Variants in FMN1 observed in about 807,000 individuals in gnomAD.
FMN1 encodes the protein formin-1.
Under a neutral mutation model 132.4 loss-of-function variants are expected in FMN1, and 110 were observed. That is an observed-to-expected ratio of 0.83 (90% CI 0.71 to 0.97). The LOEUF (loss-of-function observed/expected upper bound fraction) is 0.97, where lower values mean the gene tolerates loss of function less well. FMN1 is among the 50% of genes least tolerant of loss of function. FMN1 has a pLI of 0.00. For missense variants in FMN1, 1,792 were observed against 1,705.3 expected (o/e 1.05, Z -0.90); for synonymous variants, 722 against 651.7 (o/e 1.11, Z -1.64).
intron 10 of FMN1, among the ~76,000 whole-genome samples, chr15:32,922,810 C>T (rs114511964): frequency 4.7e-4 from 72 of 152,288 alleles, no homozygotes; most frequent in African/African-American, 1.3e-3. Flanking sequence ...CCAAGAATCA[C>T]GTACTGTATT....
chr15:33,004,939 CA>C (rs546978261), intron 7 of FMN1, among the ~76,000 whole-genome samples: 1 of 151,778 alleles, frequency 6.6e-6, no homozygotes, highest in African/African-American at 2.4e-5. Context: ...ATCGCAAGGA[CA>C]AAAAAACCAA....
chr15:33,121,915 T>C (rs1962595845), intron 4 of FMN1, among the ~76,000 whole-genome samples: 1 of 152,168 alleles, frequency 6.6e-6, no homozygotes, highest in African/African-American at 2.4e-5. Context: ...ATAAGAAAAA[T>C]CTAGAACTTA....
At chr15:33,178,259 A>C (rs1229190367) in intron 3 of FMN1, among the ~76,000 whole-genome samples, 1 of 152,206 alleles carries the variant, frequency 6.6e-6, no homozygotes, top group Non-Finnish European at 1.5e-5. Context: ...TCACTCCAGC[A>C]CTTCCAAGGT....
In FMN1 at chr15:32,969,341, A is replaced by C. The variant is rs1454825349; in HGVS notation, c.2360T>G (p.Val787Gly). 6.2e-7 allele frequency: 1 copy of C among 1,613,970 alleles called. No homozygotes were observed. The highest frequency in any genetic ancestry group is 1.7e-5 in the Admixed American group (1 of 60,030). ...GCAGTCATCATCGGTGGAAATGCAC[A>C]CATCTTTCCTCTCTTCACAACCCCC... ...WRGGCEERKDVCISTDDDCPP... is the reference protein window; with the variant it reads ...WRGGCEERKDGCISTDDDCPP... The change falls in exon 8 of 21, where the codon GTG (valine) becomes GGG (glycine). Residue 787 changes from valine (V) to glycine (G), a missense_variant. Val to Gly is a moderately radical substitution (Grantham distance 109). This residue lies in a region of FMN1 where 1,150 missense variants were observed against 1,043.1 expected (regional missense o/e 1.10). Transcript: ENST00000616417.
chr15:33,005,531 GAT>G (rs573307382), intron 7 of FMN1, among the ~76,000 whole-genome samples: 37 of 152,104 alleles, frequency 2.4e-4, no homozygotes, highest in Admixed American at 5.9e-4. Flanking sequence ...CTTAGTTTGA[GAT>G]ATATAAGATC....
At chr15:32,865,063 G>A (rs1397104223) in intron 16 of FMN1, among the ~76,000 whole-genome samples, 2 of 152,158 alleles carry the variant, frequency 1.3e-5, no homozygotes, top group African/African-American at 4.8e-5. Context: ...CAAATCTATA[G>A]AGACAAAGCG....
intron 4 of FMN1, among the ~76,000 whole-genome samples, chr15:33,131,936 G>A (rs1468223788): frequency 6.6e-6 from 1 of 152,124 alleles, no homozygotes; most frequent in African/African-American, 2.4e-5. Flanking sequence ...TTCCACACCT[G>A]CTTTGACCCT....
intron 17 of FMN1, among the ~76,000 whole-genome samples, chr15:32,854,529 A>G (rs1053019349): frequency 6.6e-6 from 1 of 152,206 alleles, no homozygotes. Flanking sequence ...TGTCTTAAGC[A>G]TGATTTGATG....
At chr15:33,069,133 T>A (rs2037884117) in intron 5 of FMN1, among the ~76,000 whole-genome samples, 1 of 152,174 alleles carries the variant, frequency 6.6e-6, no homozygotes, top group Non-Finnish European at 1.5e-5. Context: ...ACAGACCCAA[T>A]TTGCCTCAAC....
intron 10 of FMN1, among the ~76,000 whole-genome samples, chr15:32,924,282 A>C (rs941996825): frequency 5.9e-5 from 9 of 152,356 alleles, no homozygotes; most frequent in Non-Finnish European, 1.3e-4. Flanking sequence ...TAATGAGCTT[A>C]AATACGATAC....
intron 4 of FMN1, among the ~76,000 whole-genome samples, chr15:33,110,776 T>C (rs536544752): frequency 6.6e-6 from 1 of 150,526 alleles, no homozygotes; most frequent in Non-Finnish European, 1.5e-5. Flanking sequence ...GCTATTCCTT[T>C]AGCCATTTTC....
At chr15:33,134,586 G>A (rs896690650) in intron 4 of FMN1, among the ~76,000 whole-genome samples, 5 of 152,354 alleles carry the variant, frequency 3.3e-5, no homozygotes, top group East Asian at 1.9e-4. Context: ...CACAACCAAC[G>A]TTTGGGCTGT....
In FMN1 at chr15:32,969,088, A is replaced by G. The variant is rs1240304447; in HGVS notation, c.2613T>C (p.Pro871=). The G allele has an allele frequency of 6.2e-7, 1 of 1,605,430 alleles. No individual in the cohort carries two copies. Among genetic ancestry groups the G allele is most frequent in the Non-Finnish European group, 8.5e-7 (1 of 1,174,712 alleles). ...ASNQQKALPP[P]PASIPPPPPL... Reference sequence around the variant, plus strand: ...GCGGAGGGGGAGGGATGGATGCGGGAGGCGGAGGCAATGCCTTCTGCTGAT... The same window carrying G: ...GCGGAGGGGGAGGGATGGATGCGGGGGGCGGAGGCAATGCCTTCTGCTGAT... The change falls in exon 8 of 21, where the codon CCT becomes CCC. Residue 871 remains proline, a synonymous_variant. Transcript: ENST00000616417.
chr15:32,858,069 T>C (rs1376887666), intron 16 of FMN1, among the ~76,000 whole-genome samples: 2 of 152,194 alleles, frequency 1.3e-5, no homozygotes, highest in Non-Finnish European at 2.9e-5. Context: ...AAAGATATCA[T>C]GCCACCTGGG....
chr15:33,162,107 G>C (rs1463445335), intron 3 of FMN1, among the ~76,000 whole-genome samples: 1 of 151,940 alleles, frequency 6.6e-6, no homozygotes, highest in African/African-American at 2.4e-5. Context: ...CAGCTTCTGG[G>C]CCCAGGCAAT....
chr15:33,176,361 C>G (rs1965512355), intron 3 of FMN1, among the ~76,000 whole-genome samples: 1 of 152,012 alleles, frequency 6.6e-6, no homozygotes, highest in Non-Finnish European at 1.5e-5. Context: ...CAAAAATTAG[C>G]CAGGCTTGTT....
chr15:33,017,192 C>T (rs1240250013), intron 6 of FMN1, among the ~76,000 whole-genome samples: 1 of 151,588 alleles, frequency 6.6e-6, no homozygotes, highest in African/African-American at 2.4e-5. Flanking sequence ...ATCAGTGGAG[C>T]GACAGGGGGT....
chr15:32,814,730 G>A (rs2057996870), intron 17 of FMN1, among the ~76,000 whole-genome samples: 1 of 152,300 alleles, frequency 6.6e-6, no homozygotes, highest in South Asian at 2.1e-4. Flanking sequence ...ATTAGCACTA[G>A]TCTGAAGGTG....
intron 4 of FMN1, among the ~76,000 whole-genome samples, chr15:33,142,965 G>A (rs527843717): frequency 5.3e-5 from 8 of 152,172 alleles, no homozygotes; most frequent in Non-Finnish European, 1.2e-4. Context: ...AACCGCCTCT[G>A]GTTTCTGTTT....
Sources: allele counts gnomAD v4.1 joint callset (sites outside exome capture counted in the v4.1 genomes callset), GRCh38; gene constraint gnomAD v4.1.1; regional missense constraint gnomAD v4.1.1; transcripts MANE v1.5; gene names NCBI Gene and HGNC (gene_info 2026-07-23, HGNC 2026-07-21).